Variants in SLAIN1 observed in about 807,000 individuals in gnomAD.
SLAIN1 encodes SLAIN motif-containing protein 1.
SLAIN1 carries 17 observed loss-of-function variants against 55.4 expected under a neutral mutation model. That is an observed-to-expected ratio of 0.31 (90% CI 0.21 to 0.46). SLAIN1 has a LOEUF of 0.46. Ranked by LOEUF, SLAIN1 falls within the 20% of genes least tolerant of loss-of-function variation. The probability of loss-of-function intolerance (pLI) is 1.00; values close to 1 mark genes in which losing one functional copy is unlikely to be tolerated. For missense variants in SLAIN1, 682 were observed against 785.1 expected (o/e 0.87, Z 1.57); for synonymous variants, 348 against 337.4 (o/e 1.03, Z -0.35).
chr13:77,701,550 T>G (rs2091030934), intron 1 of SLAIN1, among the ~76,000 whole-genome samples: 1 of 152,138 alleles, frequency 6.6e-6, no homozygotes, highest in Non-Finnish European at 1.5e-5. Context: ...GAATGGAGTG[T>G]TATGCTCTCC....
At chr13:77,760,726 A>G in intron 5 of SLAIN1, 102 bp from the exon 6 acceptor site, 2 of 1,245,368 alleles carry the variant, frequency 1.6e-6, no homozygotes, top group South Asian at 1.3e-5. Flanking sequence ...TCCTGTGTAT[A>G]TTGTACTCTC....
intron 1 of SLAIN1, among the ~76,000 whole-genome samples, chr13:77,717,014 G>A (rs2091214710): frequency 1.3e-5 from 2 of 152,106 alleles, no homozygotes; most frequent in African/African-American, 4.8e-5. Context: ...CAATCAGGTT[G>A]AGGATGTTTC....
chr13:77,704,181 GTA>G (rs369336845), intron 1 of SLAIN1, among the ~76,000 whole-genome samples: 11 of 158 alleles, frequency 0.07, no homozygotes, highest in Admixed American at 0.2. Flanking sequence ...TGTTTTATAT[GTA>G]TATATATACA....
At chr13:77,721,379 C>T (rs1292970028) in intron 2 of SLAIN1, among the ~76,000 whole-genome samples, 1 of 152,128 alleles carries the variant, frequency 6.6e-6, no homozygotes, top group African/African-American at 2.4e-5. Flanking sequence ...CAGGTAGTAT[C>T]TTTGTAGCAG....
At chr13:77,749,682 T>G (rs1295998543) in intron 4 of SLAIN1, among the ~76,000 whole-genome samples, 1 of 152,182 alleles carries the variant, frequency 6.6e-6, no homozygotes, top group Non-Finnish European at 1.5e-5. Context: ...ACTAGAACAT[T>G]ACTTTTGGTT....
In SLAIN1 at chr13:77,731,875, C is replaced by A. The variant is rs1872883735; in HGVS notation, c.766+12204C>A. On this transcript the variant is annotated intron_variant, in intron 2 of 6. Coordinates refer to ENST00000418532, the MANE Select transcript of SLAIN1 (RefSeq NM_001242868.2). The stretch of plus-strand genomic sequence containing the variant: ...TCTATTGTCTATTTAAAGTTATATA[C>A]TAATTATGTAATTGTATTGAAATTA... 2.0e-5 allele frequency among the ~76,000 whole-genome samples: 3 copies of A among 151,964 alleles called. No individual in the cohort carries two copies. The South Asian group carries it at 6.2e-4, about 31-fold the overall frequency.
At chr13:77,741,400 T>C in intron 2 of SLAIN1, 4 of 987,510 alleles carry the variant, frequency 4.1e-6, no homozygotes, top group Non-Finnish European at 4.8e-6. Context: ...GAAGTGCATG[T>C]CTGTGTTCTG....
intron 2 of SLAIN1, among the ~76,000 whole-genome samples, chr13:77,723,824 A>G (rs1396369825): frequency 1.3e-5 from 2 of 151,684 alleles, no homozygotes; most frequent in African/African-American, 4.8e-5. Flanking sequence ...TATTCTTTCT[A>G]GATACTTCTG....
At chr13:77,742,279 T>C (rs924375098) in intron 2 of SLAIN1, among the ~76,000 whole-genome samples, 1 of 152,064 alleles carries the variant, frequency 6.6e-6, no homozygotes, top group African/African-American at 2.4e-5. Context: ...TGTATATTCC[T>C]ACCTTGAAAA....
intron 2 of SLAIN1, chr13:77,741,379 A>G (rs951333011): frequency 1.0e-6 from 1 of 987,462 alleles, no homozygotes; most frequent in South Asian, 4.7e-5. Flanking sequence ...TACATAGAAG[A>G]GAAGGAACTG....
intron 2 of SLAIN1, chr13:77,742,919 CTT>C (rs372604248): frequency 0.017 from 9,734 of 557,944 alleles, no homozygotes; most frequent in South Asian, 0.021. Flanking sequence ...GTTGCTTTGT[CTT>C]TTTTTTTTTT....
chr13:77,722,088 A>G (rs2091267971), intron 2 of SLAIN1, among the ~76,000 whole-genome samples: 1 of 151,470 alleles, frequency 6.6e-6, no homozygotes, highest in African/African-American at 2.4e-5. Context: ...CCTTTCATTG[A>G]TGTGGAGCTC....
At chr13:77,733,473 G>A (rs1007914787) in intron 2 of SLAIN1, among the ~76,000 whole-genome samples, 2 of 152,038 alleles carry the variant, frequency 1.3e-5, no homozygotes, top group African/African-American at 4.8e-5. Context: ...TATATATGAT[G>A]GTTAATGATT....
chr13:77,725,695 G>T (rs150771696), intron 2 of SLAIN1, among the ~76,000 whole-genome samples: 1 of 152,168 alleles, frequency 6.6e-6, no homozygotes, highest in Non-Finnish European at 1.5e-5. Context: ...AATGTTTCTG[G>T]TGGGCAGAGC....
chr13:77,746,681 C>A lies in SLAIN1; in HGVS notation c.1084C>A (p.Pro362Thr), dbSNP rs569107981. 5 of 1,613,780 alleles carry A rather than the reference C, an allele frequency of 3.1e-6. No individual in the cohort carries two copies. In the South Asian group the frequency reaches 5.5e-5, roughly 18 times the overall value. ...TTTGCCACCACCTCAGCCTCGTCTTCCAAGATGTTCCCCTTTCCAAAGAGG... is the reference window on the plus strand; with the variant it reads ...TTTGCCACCACCTCAGCCTCGTCTTACAAGATGTTCCCCTTTCCAAAGAGG... ...DHLPPPQPRLPRCSPFQRGIP... is the reference protein window; with the variant it reads ...DHLPPPQPRLTRCSPFQRGIP... The change falls in exon 4 of 7, where the codon CCA becomes ACA. Residue 362 changes from proline (P) to threonine (T), a missense_variant. Coordinates refer to ENST00000418532, the MANE Select transcript of SLAIN1 (RefSeq NM_001242868.2).
intron 3 of SLAIN1, among the ~76,000 whole-genome samples, chr13:77,745,132 C>T (rs1474002019): frequency 6.6e-6 from 1 of 151,962 alleles, no homozygotes; most frequent in Non-Finnish European, 1.5e-5. Flanking sequence ...AAAAGGGCAA[C>T]ACAGGATTTT....
intron 1 of SLAIN1, among the ~76,000 whole-genome samples, chr13:77,714,579 C>T (rs1024167608): frequency 6.6e-6 from 1 of 152,162 alleles, no homozygotes; most frequent in African/African-American, 2.4e-5. Flanking sequence ...TCCCACTGCA[C>T]TCCAGCCTGG....
intron 1 of SLAIN1, among the ~76,000 whole-genome samples, chr13:77,714,174 TA>T (rs11316609): frequency 0.15 from 22,875 of 151,752 alleles, 2,061 homozygotes; most frequent in African/African-American, 0.23. Context: ...AGTATAGTAA[TA>T]AAAAAATAAG....
intron 1 of SLAIN1, among the ~76,000 whole-genome samples, chr13:77,718,098 G>T (rs1273171185): frequency 6.8e-6 from 1 of 146,566 alleles, no homozygotes; most frequent in African/African-American, 2.5e-5. Flanking sequence ...ACACTCTAAG[G>T]AAAAAAAAAA....
Sources: allele counts gnomAD v4.1 joint callset (sites outside exome capture counted in the v4.1 genomes callset), GRCh38; gene constraint gnomAD v4.1.1; transcripts MANE v1.5; gene names NCBI Gene and HGNC (gene_info 2026-07-23, HGNC 2026-07-21).